Variants in PLEC observed in about 807,000 individuals in gnomAD.
PLEC encodes the protein plectin, also known as hemidesmosomal protein 1.
PLEC carries 216 observed loss-of-function variants against 392.8 expected under a neutral mutation model. The ratio of observed to expected loss-of-function variants is 0.55; its 90% CI spans 0.49 to 0.62. The LOEUF is 0.62. PLEC is among the 20% of genes least tolerant of loss of function. The probability of loss-of-function intolerance (pLI) is 0.00; values close to 1 mark genes in which losing one functional copy is unlikely to be tolerated. For missense variants in PLEC, 6,863 were observed against 6,563.4 expected, an observed-to-expected ratio of 1.05 and a Z score of -1.58; for synonymous variants, 3,621 against 2,980.6, an observed-to-expected ratio of 1.21 and a Z score of -7.00.
At chr8:143,930,097 G>GC in intron 21 of PLEC, 35 bp from the exon 22 acceptor site, 1 of 1,602,452 alleles carries the variant, frequency 6.2e-7, no homozygotes, top group Non-Finnish European at 8.5e-7. Context: ...CGTCACCAGC[G>GC]CCCCACCCGC....
chr8:143,924,499 C>T lies in PLEC; in HGVS notation c.5430G>A (p.Ala1810=), dbSNP rs782770412. 23 of 1,543,608 alleles carry T rather than the reference C, an allele frequency of 1.5e-5. No homozygotes were observed. The highest frequency in any genetic ancestry group is 1.8e-4 in the Middle Eastern group (1 of 5,510). The change falls in exon 31 of 32, where the codon GCG becomes GCA. Residue 1810 remains alanine, a synonymous_variant. Coordinates refer to ENST00000345136, the MANE Select transcript of PLEC (RefSeq NM_201384.3). ...GCTGCCGCTGCCGCTTGGCCTCTTC[C>T]GCCAGGGCACGCAGGCGGGCGGCCT... ...AEEAARLRAL[A]EEAKRQRQLA...
chr8:143,922,762 C>G lies in PLEC; in HGVS notation c.7167G>C (p.Val2389=), dbSNP rs549617899. ...SAEAERLKLR[V]AEMSRAQARA... ...GGGCCTGGGCTCGGCTCATCTCGGC[C>G]ACACGCAGCTTGAGGCGCTCAGCCT... Residue 2389 remains valine (V), a synonymous_variant, in exon 31 of 32, where the codon GTG becomes GTC. Transcript: ENST00000345136. The G allele has an allele frequency of 6.2e-7, 1 of 1,608,188 alleles. No homozygotes were observed. The highest frequency in any genetic ancestry group is 2.2e-5 in the East Asian group (1 of 44,740).
chr8:143,923,618 G>C lies in PLEC; in HGVS notation c.6311C>G (p.Ala2104Gly). The change falls in exon 31 of 32, where the codon GCG becomes GGG. Residue 2104 changes from alanine (A) to glycine (G), a missense_variant. Ala to Gly is a moderately conservative substitution (Grantham distance 60, BLOSUM62 0). Coordinates refer to ENST00000345136, the MANE Select transcript of PLEC (RefSeq NM_201384.3). The part of the protein sequence containing the change: ...EEARVQAERE[A>G]AQSRRQVEEA... ...TTCCACCTGCCGCCGGGACTGCGCC[G>C]CCTCACGCTCCGCCTGCACCCGGGC... The C allele has an allele frequency of 1.3e-6, 2 of 1,590,922 alleles. No homozygotes were observed. The highest frequency in any genetic ancestry group is 1.1e-5 in the South Asian group (1 of 90,250).
intron 24 of PLEC, 48 bp from the exon 25 acceptor site, chr8:143,929,329 C>A: frequency 6.3e-7 from 1 of 1,591,072 alleles, no homozygotes; most frequent in South Asian, 1.1e-5. Flanking sequence ...GCGCAGCACA[C>A]AGCGCCCCTT....
In PLEC at chr8:143,922,987, C is replaced by T. The variant is rs782352114; in HGVS notation, c.6942G>A (p.Glu2314=). ...QRALAEKMLK[E]KMQAVQEATR... ...TGGCCTCCTGCACCGCCTGCATCTT[C>T]TCCTTGAGCATCTTCTCTGCCAAGG... Residue 2314 remains glutamate (E), a synonymous_variant, in exon 31 of 32, where the codon GAG becomes GAA. Coordinates refer to ENST00000345136, the MANE Select transcript of PLEC (RefSeq NM_201384.3). The T allele has an allele frequency of 1.2e-6, 2 of 1,611,944 alleles. No homozygotes were observed. The highest frequency in any genetic ancestry group is 4.5e-5 in the East Asian group (2 of 44,828).
chr8:143,975,132 C>A (rs1554745581), upstream of PLEC: 10 of 1,585,388 alleles, frequency 6.3e-6, no homozygotes, highest in African/African-American at 1.3e-5. The surrounding 1 kb of genome is among the most constrained non-coding windows in gnomAD (Gnocchi z 9.9). Context: ...ACTCAGTCAA[C>A]CTCGCGTGCC....
rs1001304163 is a variant in PLEC at position 143,973,216 on chromosome 8, G to T, written c.70+187C>A. ...ATGCCCTATTAAGGGCATGGCCTCG[G>T]GGGCTCAGCGGAGCGAGTCCTCCCC... is the stretch of plus-strand genomic sequence containing the variant. On this transcript the variant is annotated intron_variant, in intron 1 of 31. Transcript: ENST00000356346. This position sits in a 1 kb window ranked among gnomAD's most constrained non-coding sequence, Gnocchi z 5.6. Among the ~76,000 whole-genome samples the T allele has an allele frequency of 6.6e-6, 1 of 151,928 alleles. No individual in the cohort carries two copies. The highest frequency in any genetic ancestry group is 3.2e-3 in the Middle Eastern group (1 of 316).
chr8:143,916,314 G>C lies in PLEC; in HGVS notation c.13507C>G (p.Arg4503Gly). The change falls in exon 32 of 32, where the codon CGC (arginine) becomes GGC (glycine). Residue 4503 changes from arginine to glycine, a missense_variant. Coordinates refer to ENST00000345136, the MANE Select transcript of PLEC (RefSeq NM_201384.3). ...GAGCCGGTGGCGTCAAAGCTGCCGC[G>C]GCGGGAGCCGGCCCGGGAGCCGGTG... ...SRTGSRAGSRRGSFDATGSGF... is the reference protein window; with the variant it reads ...SRTGSRAGSRGGSFDATGSGF... 6.3e-7 allele frequency: 1 copy of C among 1,583,884 alleles called. No individual in the cohort carries two copies.
chr8:143,937,097 G>C (rs782506960), intron 4 of PLEC, 26 bp from the exon 5 acceptor site: 6 of 1,607,580 alleles, frequency 3.7e-6, no homozygotes, highest in Non-Finnish European at 5.1e-6. Context: ...TCTCGGTCAC[G>C]GCCCACAGGG....
chr8:143,971,841 T>C (rs1226733652), intron 1 of PLEC, among the ~76,000 whole-genome samples: 21 of 141,090 alleles, frequency 1.5e-4, no homozygotes, highest in Non-Finnish European at 2.9e-4. Flanking sequence ...AGGCAGACAA[T>C]GGGCCAAGAC....
rs782112921 is a variant in PLEC, at chr8:143,932,696, G to A, written c.1754C>T (p.Ala585Val). Residue 585 changes from alanine (A) to valine (V), a missense_variant, in exon 15 of 32, where the codon GCC becomes GTC. Coordinates refer to ENST00000345136, the MANE Select transcript of PLEC (RefSeq NM_201384.3). ...GCAGTCACGGTAGGCACCCCGGGTG[G>A]CGGGGGAGAGCTGGCCCTGCAACAG... Reference protein sequence around the residue: ...ARSDEGQLSPATRGAYRDCLG... With the variant: ...ARSDEGQLSPVTRGAYRDCLG... 1.2e-6 allele frequency: 2 copies of A among 1,607,256 alleles called. No homozygotes were observed. The highest frequency in any genetic ancestry group is 3.4e-5 in the Admixed American group (2 of 59,360).
Position 143,937,152 on chromosome 8 carries a change from C to T in PLEC, c.342+13G>A, listed in dbSNP as rs115664009. 12,336 of 1,611,554 alleles carry T rather than the reference C, an allele frequency of 7.7e-3. 144 individuals are homozygous for T. The highest frequency in any genetic ancestry group is 0.053 in the African/African-American group (3,988 of 74,958). ...GGTCTGGGTGGGGCCCAGGGCCTGC[C>T]GGGCAGCCTTACCTGGCGGTGCCGG... On this transcript the variant is annotated intron_variant, in intron 4 of 31. Coordinates refer to ENST00000345136, the MANE Select transcript of PLEC (RefSeq NM_201384.3).
rs369735415 is a variant in PLEC at position 143,920,811 on chromosome 8, C to T, written c.9010G>A (p.Glu3004Lys). The T allele has an allele frequency of 6.2e-7, 1 of 1,608,020 alleles. No homozygotes were observed. The highest frequency in any genetic ancestry group is 1.3e-5 in the African/African-American group (1 of 74,936). The change falls in exon 32 of 32, where the codon GAG (glutamate) becomes AAG (lysine). Residue 3004 changes from glutamate (E) to lysine (K), a missense_variant. By Grantham distance (56) the Glu-to-Lys change is moderately conservative. Transcript: ENST00000345136. ...RELYQQLQRG[E>K]RSVRDVAEVD... ...TCGGCTACGTCTCGCACAGAGCGCT[C>T]ACCTCGCTGCAGCTGCTGGTAGAGC...
upstream of PLEC, chr8:143,943,682 G>C: frequency 8.5e-7 from 1 of 1,170,830 alleles, no homozygotes. Context: ...CATTCAGCTT[G>C]GAAACAGGAA....
chr8:143,924,115 GGCC>G lies in PLEC; in HGVS notation c.5811_5813del (p.Ala1939del), dbSNP rs782522608. 4 of 1,598,594 alleles carry G rather than the reference GGCC, an allele frequency of 2.5e-6. No individual in the cohort carries two copies. Among genetic ancestry groups the G allele is most frequent in the Non-Finnish European group, 1.7e-6 (2 of 1,179,372 alleles). On this transcript the variant is annotated inframe_deletion, in exon 31 of 32. Coordinates refer to ENST00000345136, the MANE Select transcript of PLEC (RefSeq NM_201384.3). ...CCAGCTCCAGCTCCGCCTTGCCAGCGGCCGCCTTCTCGAAGCTCGCCTTCAGCG... is the reference window on the plus strand; with the variant it reads ...CCAGCTCCAGCTCCGCCTTGCCAGCGGCCTTCTCGAAGCTCGCCTTCAGCG...
chr8:143,935,296 A>G lies in PLEC; in HGVS notation c.620T>C (p.Met207Thr). 1 of 1,606,190 alleles carries G rather than the reference A, an allele frequency of 6.2e-7. No homozygotes were observed. The highest frequency in any genetic ancestry group is 8.5e-7 in the Non-Finnish European group (1 of 1,179,780). ...GTTGGTCTGCCGGTACACCTTGTTC[A>G]TGTCGATGAGCAGGGGCCTGGGACA... ...IHRHKPLLID[M>T]NKVYRQTNLE... Residue 207 changes from methionine (M) to threonine (T), a missense_variant, in exon 7 of 32, where the codon ATG becomes ACG. Coordinates refer to ENST00000345136, the MANE Select transcript of PLEC (RefSeq NM_201384.3).
chr8:143,947,926 G>T (rs1831690838), intron 1 of PLEC, among the ~76,000 whole-genome samples: 1 of 152,184 alleles, frequency 6.6e-6, no homozygotes, highest in African/African-American at 2.4e-5. Context: ...GGCTGCTCCT[G>T]GCAGGGTAGG....
intron 29 of PLEC, 36 bp from the exon 30 acceptor site, chr8:143,926,918 T>C (rs1382223884): frequency 1.2e-6 from 2 of 1,607,270 alleles, no homozygotes; most frequent in East Asian, 2.2e-5. Flanking sequence ...CTGCGAGAGC[T>C]GCAGCTCCAG....
In PLEC at chr8:143,916,938, T is replaced by C; in HGVS notation, c.12883A>G (p.Thr4295Ala). Residue 4295 changes from threonine (T) to alanine (A), a missense_variant, in exon 32 of 32, where the codon ACC (threonine) becomes GCC (alanine). Coordinates refer to ENST00000345136, the MANE Select transcript of PLEC (RefSeq NM_201384.3). ...DTETLEKVSI[T>A]EAMHRNLVDN... The stretch of plus-strand genomic sequence containing the variant: ...ACCAGGTTCCGGTGCATGGCCTCGG[T>C]GATGGACACCTTCTCCAGCGTCTCC... 2 of 1,612,780 alleles carry C rather than the reference T, an allele frequency of 1.2e-6. No individual in the cohort carries two copies. Among genetic ancestry groups the C allele is most frequent in the Non-Finnish European group, 1.7e-6 (2 of 1,179,984 alleles).
Sources: allele counts gnomAD v4.1 joint callset (sites outside exome capture counted in the v4.1 genomes callset), GRCh38; gene constraint gnomAD v4.1.1; non-coding constraint Gnocchi (gnomAD v3.1); transcripts MANE v1.5; gene names NCBI Gene and HGNC (gene_info 2026-07-23, HGNC 2026-07-21).